WDR7: variants seen among roughly 807,000 people sequenced by gnomAD.
WDR7 encodes the protein WD repeat-containing protein 7.
Under a neutral mutation model 169.4 loss-of-function variants are expected in WDR7, and 46 were observed. That is an observed-to-expected ratio of 0.27 (90% CI 0.21 to 0.35). The LOEUF is 0.35. WDR7 is among the 10% of genes least tolerant of loss of function. WDR7 has a pLI of 1.00. For synonymous variants in WDR7, 612 were observed against 666.8 expected (o/e 0.92, Z 1.27); for missense variants, 1,534 against 1,859.3 (o/e 0.83, Z 3.22).
In WDR7 at chr18:56,740,687, CA is replaced by C. The variant is rs1030199931; in HGVS notation, c.1989+9091del. ...CTTCCAGGGCTTCCAACAGAGAGCC[CA>C]GAATATTTAACGGGGTTCTTTTGCT... On this transcript the variant is annotated intron_variant, in intron 14 of 27. Transcript: ENST00000254442. 1.9e-3 allele frequency among the ~76,000 whole-genome samples: 296 copies of C among 152,208 alleles called. 4 individuals carry two copies. Among genetic ancestry groups the C allele is most frequent in the Non-Finnish European group, 4.0e-4 (27 of 67,990 alleles).
intron 12 of WDR7, among the ~76,000 whole-genome samples, chr18:56,707,318 T>C (rs893553367): frequency 1.3e-5 from 2 of 152,168 alleles, no homozygotes; most frequent in South Asian, 4.1e-4. Flanking sequence ...TTTGTTCCTC[T>C]GTTAGGTACT....
intron 5 of WDR7, 66 bp downstream of exon 5, chr18:56,682,919 C>G (rs1039236880): frequency 3.5e-6 from 5 of 1,448,260 alleles, no homozygotes; most frequent in Non-Finnish European, 4.7e-6. Flanking sequence ...CTAGAACATT[C>G]TACAATTTAT....
At chr18:56,724,970 A>G (rs1272658589) in intron 13 of WDR7, among the ~76,000 whole-genome samples, 1 of 152,000 alleles carries the variant, frequency 6.6e-6, no homozygotes, top group Non-Finnish European at 1.5e-5. Context: ...ATGTCCTTAC[A>G]AAGGACATGA....
chr18:56,771,173 G>A (rs2145019607), intron 16 of WDR7, among the ~76,000 whole-genome samples: 1 of 152,146 alleles, frequency 6.6e-6, no homozygotes, highest in East Asian at 1.9e-4. Context: ...CATTGTGTAA[G>A]TAGCATATTT....
At chr18:56,864,997 G>A (rs1233125697) in intron 20 of WDR7, among the ~76,000 whole-genome samples, 1 of 151,974 alleles carries the variant, frequency 6.6e-6, no homozygotes, top group Non-Finnish European at 1.5e-5. Context: ...TCATTACATT[G>A]ATATCCTTTT....
chr18:57,012,317 C>T (rs1382523179), intron 26 of WDR7, among the ~76,000 whole-genome samples: 1 of 152,134 alleles, frequency 6.6e-6, no homozygotes, highest in African/African-American at 2.4e-5. Flanking sequence ...CAGCCGTCCT[C>T]ACAGGGATGG....
chr18:56,731,598 G>GTA lies in WDR7; in HGVS notation c.1989+2_1989+3dup. 6.2e-7 allele frequency: 1 copy of GTA among 1,613,440 alleles called. No homozygotes were observed. Among genetic ancestry groups the GTA allele is most frequent in the Non-Finnish European group, 8.5e-7 (1 of 1,179,862 alleles). ...CTTGGCTTCTGAGGCATCTGACAAG[G>GTA]TAAGTTTTATATGTGGGCCCATGAA... On this transcript the variant is annotated splice_donor_variant, in intron 14 of 27. Transcript: ENST00000254442. LOFTEE classifies it high-confidence loss of function.
At chr18:56,744,264 A>G (rs905654068) in intron 14 of WDR7, among the ~76,000 whole-genome samples, 3 of 141,562 alleles carry the variant, frequency 2.1e-5, no homozygotes, top group Non-Finnish European at 4.5e-5. Context: ...AAAAAAAAAA[A>G]AAAAAGAAAG....
chr18:56,954,399 A>G (rs892924998), intron 25 of WDR7, among the ~76,000 whole-genome samples: 13 of 152,230 alleles, frequency 8.5e-5, no homozygotes, highest in African/African-American at 3.1e-4. Flanking sequence ...GATTGAGGTA[A>G]GCCATTTCTA....
chr18:57,008,011 G>A (rs1599241623), intron 26 of WDR7, among the ~76,000 whole-genome samples: 1 of 152,074 alleles, frequency 6.6e-6, no homozygotes, highest in African/African-American at 2.4e-5. Flanking sequence ...CTGTTCCTAA[G>A]CTCCAAATTC....
At position 56,947,158 on chromosome 18, in the gene WDR7, AT is replaced by A. The variant is rs1364603827; in HGVS notation, c.4064+7769del. Reference sequence around the variant, plus strand: ...TCACTGTAACAAATATGGCTGTATTATTTTATAGGAATCAAACTGCATCCAT... The same window carrying A: ...TCACTGTAACAAATATGGCTGTATTATTTATAGGAATCAAACTGCATCCAT... On this transcript the variant is annotated intron_variant, in intron 25 of 27. Transcript: ENST00000254442. Among the ~76,000 whole-genome samples the A allele has an allele frequency of 2.0e-5, 3 of 152,336 alleles. No homozygotes were observed. In the East Asian group the frequency reaches 5.8e-4, roughly 29 times the overall value.
chr18:56,909,979 T>G (rs1243456367), intron 21 of WDR7, among the ~76,000 whole-genome samples: 1 of 152,188 alleles, frequency 6.6e-6, no homozygotes, highest in Non-Finnish European at 1.5e-5. Flanking sequence ...ATTGATTTAC[T>G]GTATAGTAAA....
chr18:56,876,450 A>C (rs1022569034), intron 20 of WDR7, among the ~76,000 whole-genome samples: 2 of 152,204 alleles, frequency 1.3e-5, no homozygotes, highest in Non-Finnish European at 2.9e-5. Flanking sequence ...CTCAAAAAAG[A>C]TATCTCTGTG....
At chr18:56,797,526 A>G (rs933236836) in intron 19 of WDR7, among the ~76,000 whole-genome samples, 2 of 151,742 alleles carry the variant, frequency 1.3e-5, no homozygotes, top group South Asian at 2.1e-4. Context: ...TTTTATATTT[A>G]TGATATAAAT....
At chr18:56,898,938 T>C (rs571596647) in intron 21 of WDR7, among the ~76,000 whole-genome samples, 2 of 152,250 alleles carry the variant, frequency 1.3e-5, no homozygotes, top group East Asian at 1.9e-4. Context: ...TCTGTATTTA[T>C]GCAAGTTTTC....
chr18:56,690,206 A>G (rs1398555718), intron 7 of WDR7, among the ~76,000 whole-genome samples: 1 of 152,174 alleles, frequency 6.6e-6, no homozygotes, highest in African/African-American at 2.4e-5. Flanking sequence ...CAATTGATCA[A>G]ATCTTTATTT....
Position 57,027,375 on chromosome 18 carries a change from C to T in WDR7, c.*168C>T, listed in dbSNP as rs1165929548. Reference sequence around the variant, plus strand: ...GTGCATGCTTCTCAGGGGCAGAACCCGCTCGTGCCATCTGTCGATTCAGAG... The same window carrying T: ...GTGCATGCTTCTCAGGGGCAGAACCTGCTCGTGCCATCTGTCGATTCAGAG... On this transcript the variant is annotated 3_prime_UTR_variant, in exon 28 of 28. Coordinates refer to ENST00000254442, the MANE Select transcript of WDR7 (RefSeq NM_015285.3). 6 of 780,716 alleles carry T rather than the reference C, an allele frequency of 7.7e-6. No individual in the cohort carries two copies. Among genetic ancestry groups the T allele is most frequent in the South Asian group, 5.5e-5 (3 of 54,550 alleles). The allele number at this position is 780,716 out of a possible 1,614,324, so 48.4% of individuals were successfully genotyped here. A position where few individuals can be genotyped will look rare whatever the true frequency, so the allele number is the denominator to read the frequency against.
chr18:56,938,827 G>GTGTA, intron 24 of WDR7, 145 bp downstream of exon 24: 3 of 910,378 alleles, frequency 3.3e-6, no homozygotes, highest in East Asian at 2.9e-5. Flanking sequence ...GTGTGTGTGT[G>GTGTA]TGTGTGTGTG....
intron 16 of WDR7, among the ~76,000 whole-genome samples, chr18:56,765,354 T>C (rs1290316273): frequency 6.6e-6 from 1 of 152,098 alleles, no homozygotes; most frequent in East Asian, 1.9e-4. Flanking sequence ...AAAAAGATTT[T>C]TTTTATGATT....
Sources: gnomAD v4.1 joint callset for allele counts (sites outside exome capture counted in the v4.1 genomes callset) on GRCh38, gnomAD v4.1.1 for gene constraint, MANE v1.5 for transcripts, NCBI Gene and HGNC (gene_info 2026-07-23, HGNC 2026-07-21) for gene names.